The following CCS variants were observed in gnomAD, a reference collection of about 807,000 sequenced individuals.
CCS encodes copper chaperone for superoxide dismutase, also known as superoxide dismutase copper chaperone.
In CCS, 32 loss-of-function variants were observed where a neutral mutation model predicts 35.5. The ratio of observed to expected loss-of-function variants is 0.90; its 90% confidence interval spans 0.68 to 1.21. The LOEUF is 1.21. Ranked by LOEUF, CCS falls within the 50% of genes most tolerant of loss-of-function variation. CCS has a pLI of 0.00. For missense variants in CCS, 342 were observed against 375.4 expected (o/e 0.91, Z 0.73); for synonymous variants, 130 against 147.2 (o/e 0.88, Z 0.84).
rs373369879 is a variant in CCS, at chr11:66,594,307, C to T, written c.112+593C>T. ...CCGGGAGGCGGAGCTTGCAGTTAGC[C>T]GAGATCGCGCCACTGCACTCTAGCC... On this transcript the variant is annotated intron_variant, in intron 2 of 7. Coordinates refer to ENST00000533244, the MANE Select transcript of CCS (RefSeq NM_005125.2). 1.4e-4 allele frequency among the ~76,000 whole-genome samples: 22 copies of T among 152,100 alleles called. No homozygotes were observed. The East Asian group carries it at 2.5e-3, about 17-fold the overall frequency.
intron 4 of CCS, 165 bp from the exon 5 acceptor site, chr11:66,600,324 T>C (rs1237829103): frequency 9.3e-6 from 4 of 428,190 alleles, no homozygotes. Context: ...ACAGGACCCA[T>C]GTCTGATTCT....
intron 5 of CCS, among the ~76,000 whole-genome samples, chr11:66,601,142 G>C (rs1199711483): frequency 6.6e-6 from 1 of 152,082 alleles, no homozygotes; most frequent in Non-Finnish European, 1.5e-5. Context: ...GCCCAGGCTA[G>C]AGTGCAATGG....
chr11:66,606,004 T>C lies in CCS; in HGVS notation c.*149T>C. 1.2e-6 allele frequency: 1 copy of C among 813,050 alleles called. No individual in the cohort carries two copies. 50.4% of individuals were successfully genotyped at this position (813,050 alleles called of 1,614,324 possible). A position where few individuals can be genotyped will look rare whatever the true frequency, so the allele number is the denominator to read the frequency against. On this transcript the variant is annotated 3_prime_UTR_variant, in exon 8 of 8. Transcript: ENST00000533244. ...GGTGTTCCCTTGGCAAATGAAAGTT[T>C]TATTTTCGTTTGGGACTTGGTGTTT... is the stretch of plus-strand genomic sequence containing the variant.
Position 66,605,504 on chromosome 11 carries a change from G to A in CCS, c.583G>A (p.Gly195Ser), listed in dbSNP as rs754333716. 6.2e-7 allele frequency: 1 copy of A among 1,614,044 alleles called. No homozygotes were observed. Among genetic ancestry groups the A allele is most frequent in the Admixed American group, 1.7e-5 (1 of 60,010 alleles). The change falls in exon 7 of 8, where the codon GGC becomes AGC. Residue 195 changes from glycine (G) to serine (S), a missense_variant. Gly to Ser is a moderately conservative substitution (Grantham distance 56, BLOSUM62 0). Coordinates refer to ENST00000533244, the MANE Select transcript of CCS (RefSeq NM_005125.2). ...DEQLKVWDVI[G>S]RSLIIDEGED... ...CCCCTCAAAGGTGTGGGATGTGATT[G>A]GCCGCAGCCTGATTATTGATGAGGG...
intron 5 of CCS, among the ~76,000 whole-genome samples, chr11:66,603,611 C>A (rs1043707877): frequency 6.6e-6 from 1 of 152,152 alleles, no homozygotes; most frequent in Admixed American, 6.5e-5. Flanking sequence ...CTTTGGGAGG[C>A]CGAGGCGGGC....
At position 66,593,307 on chromosome 11, in the gene CCS, G is replaced by A. The variant is rs760806012; in HGVS notation, c.39+7G>A. ...CCAGGGGACCCTCTGCACGGTGAGG[G>A]TCGAGGCTTCGTGTGGAGCCTCGCC... On this transcript the variant is annotated splice_region_variant and intron_variant, in intron 1 of 7. Transcript: ENST00000533244. 6.5e-7 allele frequency: 1 copy of A among 1,532,452 alleles called. No individual in the cohort carries two copies. The highest frequency in any genetic ancestry group is 2.4e-5 in the East Asian group (1 of 41,390). 94.9% of individuals were successfully genotyped at this position (1,532,452 alleles called of 1,614,324 possible).
chr11:66,599,284 C>T (rs745467105), intron 3 of CCS, 31 bp downstream of exon 3: 42 of 1,558,986 alleles, frequency 2.7e-5, no homozygotes, highest in South Asian at 6.0e-5. Flanking sequence ...TGGCCCCTCT[C>T]GGAGGGAGGT....
At chr11:66,600,320 C>A in intron 4 of CCS, 169 bp from the exon 5 acceptor site, 1 of 425,860 alleles carries the variant, frequency 2.3e-6, no homozygotes, top group Non-Finnish European at 4.2e-6. Flanking sequence ...CAGGACAGGA[C>A]CCATGTCTGA....
intron 5 of CCS, chr11:66,605,069 C>G: frequency 7.2e-7 from 1 of 1,385,146 alleles, no homozygotes; most frequent in East Asian, 2.8e-5. Context: ...TCTTTTCAGC[C>G]CACTGTCATC....
At position 66,593,254 on chromosome 11, in the gene CCS, G is replaced by T; in HGVS notation, c.-8G>T. 1 of 1,560,908 alleles carries T rather than the reference G, an allele frequency of 6.4e-7. No homozygotes were observed. Among genetic ancestry groups the T allele is most frequent in the Non-Finnish European group, 8.7e-7 (1 of 1,153,246 alleles). ...GTTCTGCGTCTCGGGGTGGTGACTG[G>T]GTCCAGAATGGCTTCGGATTCGGGG... On this transcript the variant is annotated 5_prime_UTR_variant, in exon 1 of 8. Coordinates refer to ENST00000533244, the MANE Select transcript of CCS (RefSeq NM_005125.2).
intron 5 of CCS, 53 bp downstream of exon 5, chr11:66,600,602 G>C (rs1858558893): frequency 1.0e-6 from 1 of 968,964 alleles, no homozygotes; most frequent in Non-Finnish European, 1.5e-6. Flanking sequence ...CAAAGTCTCA[G>C]AGGCAGGGCA....
intron 6 of CCS, 24 bp downstream of exon 6, chr11:66,605,440 A>G: frequency 6.2e-7 from 1 of 1,613,940 alleles, no homozygotes; most frequent in African/African-American, 1.3e-5. Context: ...GAAGGTGGGC[A>G]CCCTTCCTAA....
chr11:66,605,793 C>G lies in CCS; in HGVS notation c.763C>G (p.Arg255Gly). 10 of 1,603,586 alleles carry G rather than the reference C, an allele frequency of 6.2e-6. No individual in the cohort carries two copies. The highest frequency in any genetic ancestry group is 8.5e-6 in the Non-Finnish European group (10 of 1,174,760). Reference protein sequence around the residue: ...SCDGLTIWEERGRPIAGKGRK... With the variant: ...SCDGLTIWEEGGRPIAGKGRK... ...CGATGGCCTCACCATCTGGGAGGAG[C>G]GAGGCCGGCCCATCGCTGGCAAGGG... The change falls in exon 8 of 8, where the codon CGA becomes GGA. Residue 255 changes from arginine (R) to glycine (G), a missense_variant. Coordinates refer to ENST00000533244, the MANE Select transcript of CCS (RefSeq NM_005125.2).
intron 4 of CCS, chr11:66,600,234 A>G (rs905689795): frequency 2.0e-5 from 7 of 349,594 alleles, no homozygotes; most frequent in Middle Eastern, 7.0e-4. Context: ...AAGGGTCCCC[A>G]TGCCATGGTG....
chr11:66,596,602 G>A (rs928184908), intron 2 of CCS, among the ~76,000 whole-genome samples: 3 of 151,820 alleles, frequency 2.0e-5, no homozygotes, highest in African/African-American at 4.8e-5. Flanking sequence ...GGATGGTCTC[G>A]ATCTCCTGAC....
intron 2 of CCS, among the ~76,000 whole-genome samples, chr11:66,598,757 T>C (rs1383743340): frequency 1.3e-5 from 2 of 152,004 alleles, no homozygotes; most frequent in African/African-American, 4.8e-5. Context: ...GGCATTTGGG[T>C]TATTTTTATC....
In CCS at chr11:66,600,545, A is replaced by G; in HGVS notation, c.485A>G (p.Asp162Gly). 6.6e-7 allele frequency: 1 copy of G among 1,519,122 alleles called. No individual in the cohort carries two copies. Among genetic ancestry groups the G allele is most frequent in the Admixed American group, 2.0e-5 (1 of 50,408 alleles). The allele number at this position is 1,519,122 out of a possible 1,614,324, so 94.1% of individuals were successfully genotyped here. A position where few individuals can be genotyped will look rare whatever the true frequency, so the allele number is the denominator to read the frequency against. Residue 162 changes from aspartate (D) to glycine (G), a missense_variant, in exon 5 of 8, where the codon GAC (aspartate) becomes GGC (glycine). Transcript: ENST00000533244. ...GASHGGPQDSDRHRGDLGNVR... is the reference protein window; with the variant it reads ...GASHGGPQDSGRHRGDLGNVR... ...TCTCATGGGGGCCCCCAGGACTCTG[A>G]CCGGGTAAGTGTCTGTCTGGGTTTG...
At chr11:66,594,928 C>T (rs764743244) in intron 2 of CCS, among the ~76,000 whole-genome samples, 6 of 152,138 alleles carry the variant, frequency 3.9e-5, no homozygotes, top group Admixed American at 6.6e-5. Context: ...GGATGGCATT[C>T]GCAGAATGCT....
At chr11:66,601,525 T>G (rs1565061467) in intron 5 of CCS, among the ~76,000 whole-genome samples, 1 of 152,158 alleles carries the variant, frequency 6.6e-6, no homozygotes, top group African/African-American at 2.4e-5. Flanking sequence ...ATCATGCTTT[T>G]CTTTTCTTCT....
Sources: gnomAD v4.1 joint callset for allele counts (sites outside exome capture counted in the v4.1 genomes callset) on GRCh38, gnomAD v4.1.1 for gene constraint, MANE v1.5 for transcripts, NCBI Gene and HGNC (gene_info 2026-07-23, HGNC 2026-07-21) for gene names.